Variants in NWD2 observed in about 807,000 individuals in gnomAD.
The protein encoded by NWD2 is NACHT and WD repeat domain containing 2.
In NWD2, 37 loss-of-function variants were observed where a neutral mutation model predicts 132.7. The ratio of observed to expected loss-of-function variants is 0.28; its 90% CI spans 0.21 to 0.37. The LOEUF is 0.37. NWD2 is among the 10% of genes least tolerant of loss of function. NWD2 has a pLI of 1.00. For synonymous variants in NWD2, 705 were observed against 803.0 expected (o/e 0.88, Z 2.06); for missense variants, 1,592 against 2,122.4 (o/e 0.75, Z 4.91).
At chr4:37,355,879 G>C (rs1246016829) in intron 2 of NWD2, among the ~76,000 whole-genome samples, 4 of 151,888 alleles carry the variant, frequency 2.6e-5, no homozygotes, top group African/African-American at 9.7e-5. Context: ...CTCCTCATAT[G>C]ATAGAGTGTG....
chr4:37,251,320 T>C (rs1014689148), intron 1 of NWD2, among the ~76,000 whole-genome samples: 4 of 152,154 alleles, frequency 2.6e-5, no homozygotes, highest in African/African-American at 9.7e-5. Flanking sequence ...ACTATTATAA[T>C]CTTATGGGAC....
At chr4:37,279,767 A>G (rs919638686) in intron 1 of NWD2, among the ~76,000 whole-genome samples, 17 of 152,242 alleles carry the variant, frequency 1.1e-4, no homozygotes, top group African/African-American at 4.1e-4. Context: ...GCCTCTAAAA[A>G]GTATAAAACT....
intron 2 of NWD2, among the ~76,000 whole-genome samples, chr4:37,343,839 G>A (rs1160394950): frequency 6.6e-6 from 1 of 152,022 alleles, no homozygotes; most frequent in Non-Finnish European, 1.5e-5. Context: ...TTATTGTTAG[G>A]TAATCTTGAT....
intron 3 of NWD2, among the ~76,000 whole-genome samples, chr4:37,420,618 G>T (rs183513048): frequency 6.6e-6 from 1 of 152,344 alleles, no homozygotes; most frequent in East Asian, 1.9e-4. Context: ...AGAAGGTGGA[G>T]GTTGCAGTGA....
chr4:37,417,343 G>T (rs1447485670), intron 3 of NWD2, among the ~76,000 whole-genome samples: 1 of 148,680 alleles, frequency 6.7e-6, no homozygotes, highest in Non-Finnish European at 1.5e-5. Context: ...CTGACATAGA[G>T]CCATTGCAAA....
rs1234097154 is a variant in NWD2, at chr4:37,448,850, C to T, written c.*1633C>T. The T allele has an allele frequency of 6.6e-6, 1 of 152,160 alleles. No individual in the cohort carries two copies. Among genetic ancestry groups the T allele is most frequent in the Admixed American group, 6.5e-5 (1 of 15,280 alleles). The allele number at this position is 152,160 out of a possible 1,614,324, so 9.4% of individuals were successfully genotyped here. ...TTCAGCAACATCATGATTATTGATG[C>T]TAATAGGAAAAATAAATTCATGTAA... On this transcript the variant is annotated 3_prime_UTR_variant, in exon 7 of 7. Transcript: ENST00000309447.
rs187238720 is a variant in NWD2, at chr4:37,341,047, G to A, written c.240+15023G>A. Among the ~76,000 whole-genome samples the A allele has an allele frequency of 7.2e-5, 11 of 152,296 alleles. No individual in the cohort carries two copies. In the East Asian group the frequency reaches 7.7e-4, roughly 11 times the overall value. ...TTATACACACAGTCCTCAACCAGACGATGGTTTGACTTACGATTTCTTGAC... is the reference window on the plus strand; with the variant it reads ...TTATACACACAGTCCTCAACCAGACAATGGTTTGACTTACGATTTCTTGAC... On this transcript the variant is annotated intron_variant, in intron 2 of 6. Coordinates refer to ENST00000309447, the MANE Select transcript of NWD2 (RefSeq NM_001144990.2).
At chr4:37,419,179 G>A (rs111987453) in intron 3 of NWD2, among the ~76,000 whole-genome samples, 13,079 of 152,120 alleles carry the variant, frequency 0.086, 1,161 homozygotes, top group African/African-American at 0.22. Flanking sequence ...AATGGTGTTG[G>A]GAAAACTGGC....
Position 37,439,169 on chromosome 4 carries a change from C to T in NWD2, c.1075C>T (p.Gln359Ter). 6.5e-7 allele frequency: 1 copy of T among 1,550,044 alleles called. No homozygotes were observed. Among genetic ancestry groups the T allele is most frequent in the Non-Finnish European group, 8.7e-7 (1 of 1,146,084 alleles). Reference protein sequence around the residue: ...DMIDIIQATIQQNFDTETDTL... With the variant: ...DMIDIIQATI Reference sequence around the variant, plus strand: ...GATTGATATAATTCAGGCAACGATACAACAGAATTTTGACACTGAAACTGA... The same window carrying T: ...GATTGATATAATTCAGGCAACGATATAACAGAATTTTGACACTGAAACTGA... Residue 359 changes from glutamine to a stop codon, truncating the protein, a stop_gained, in exon 6 of 7, where the codon CAA (glutamine) becomes TAA (stop). Transcript: ENST00000309447. LOFTEE classifies it high-confidence loss of function. This position sits in a 1 kb window ranked among gnomAD's most constrained non-coding sequence, Gnocchi z 4.5.
intron 3 of NWD2, among the ~76,000 whole-genome samples, chr4:37,368,702 C>T (rs894869282): frequency 6.6e-6 from 1 of 151,388 alleles, no homozygotes; most frequent in African/African-American, 2.4e-5. Flanking sequence ...GGTGAGGGTA[C>T]TTTGATTGTC....
chr4:37,253,790 C>T (rs1717447458), intron 1 of NWD2, among the ~76,000 whole-genome samples: 1 of 152,102 alleles, frequency 6.6e-6, no homozygotes, highest in Non-Finnish European at 1.5e-5. Flanking sequence ...GATTGATATG[C>T]AGCAATAGAT....
intron 1 of NWD2, among the ~76,000 whole-genome samples, chr4:37,292,814 C>T (rs6531523): frequency 0.84 from 128,068 of 152,030 alleles, 54,504 homozygotes; most frequent in African/African-American, 0.93. Context: ...ATCCCGCACA[C>T]GCCCAGTTCA....
chr4:37,327,535 G>A (rs1215343180), intron 2 of NWD2, among the ~76,000 whole-genome samples: 1 of 152,150 alleles, frequency 6.6e-6, no homozygotes, highest in Non-Finnish European at 1.5e-5. Flanking sequence ...GGTACTGGGA[G>A]TGACTGAACC....
In NWD2 at chr4:37,244,961, C is replaced by G; in HGVS notation, c.-107C>G. On this transcript the variant is annotated 5_prime_UTR_variant, in exon 1 of 7. Coordinates refer to ENST00000309447, the MANE Select transcript of NWD2 (RefSeq NM_001144990.2). This position sits in a 1 kb window ranked among gnomAD's most constrained non-coding sequence, Gnocchi z 5.5. ...GGCTCGGAGCGGCTCTGAGCCGCGC[C>G]GCCTGCTGAGATCGACCGCCTGCTG... is the stretch of plus-strand genomic sequence containing the variant. 4.2e-6 allele frequency: 6 copies of G among 1,442,454 alleles called. No homozygotes were observed. The highest frequency in any genetic ancestry group is 5.6e-6 in the Non-Finnish European group (6 of 1,077,290). The allele number at this position is 1,442,454 out of a possible 1,614,324, so 89.4% of individuals were successfully genotyped here. A position where few individuals can be genotyped will look rare whatever the true frequency, so the allele number is the denominator to read the frequency against.
chr4:37,317,772 A>G (rs1400545839), intron 1 of NWD2, among the ~76,000 whole-genome samples: 1 of 152,210 alleles, frequency 6.6e-6, no homozygotes, highest in Non-Finnish European at 1.5e-5. Flanking sequence ...TGACAATGCC[A>G]TACTCCATCA....
chr4:37,250,507 C>T (rs948762093), intron 1 of NWD2, among the ~76,000 whole-genome samples: 15 of 152,294 alleles, frequency 9.8e-5, no homozygotes, highest in African/African-American at 3.6e-4. Context: ...TCACCTGTCT[C>T]ACAGAGTTAT....
intron 1 of NWD2, among the ~76,000 whole-genome samples, chr4:37,248,435 T>A (rs1428412707): frequency 2.0e-5 from 3 of 152,202 alleles, no homozygotes; most frequent in Admixed American, 6.5e-5. Context: ...GAAGGACCCA[T>A]GTGGGGGAGG....
chr4:37,292,150 C>T (rs551141670), intron 1 of NWD2, among the ~76,000 whole-genome samples: 44 of 152,250 alleles, frequency 2.9e-4, no homozygotes, highest in Middle Eastern at 3.4e-3. Context: ...TTCCCTTAGG[C>T]GATCCGTTGT....
intron 1 of NWD2, among the ~76,000 whole-genome samples, chr4:37,273,608 C>T (rs1437703643): frequency 6.6e-6 from 1 of 152,118 alleles, no homozygotes; most frequent in Admixed American, 6.6e-5. Context: ...AACTCTCCAT[C>T]CCAAATCAAC....
Sources: allele counts gnomAD v4.1 joint callset (sites outside exome capture counted in the v4.1 genomes callset), GRCh38; gene constraint gnomAD v4.1.1; non-coding constraint Gnocchi (gnomAD v3.1); transcripts MANE v1.5; gene names NCBI Gene and HGNC (gene_info 2026-07-23, HGNC 2026-07-21).